The following PRKG1 variants were observed in gnomAD, a reference collection of about 807,000 sequenced individuals.
The protein encoded by PRKG1 is protein kinase cGMP-dependent 1.
Under a neutral mutation model 88.1 loss-of-function variants are expected in PRKG1, and 35 were observed. The ratio of observed to expected loss-of-function variants is 0.40; its 90% CI spans 0.30 to 0.53. The LOEUF is 0.53. PRKG1 is among the 20% of genes least tolerant of loss of function. PRKG1 has a pLI of 0.59. For synonymous variants in PRKG1, 303 were observed against 292.5 expected, an observed-to-expected ratio of 1.04 and a Z score of -0.37; for missense variants, 540 against 839.8, an observed-to-expected ratio of 0.64 and a Z score of 4.41.
At chr10:51,582,333 T>C (rs1838061522) in intron 3 of PRKG1, among the ~76,000 whole-genome samples, 1 of 152,088 alleles carries the variant, frequency 6.6e-6, no homozygotes, top group Non-Finnish European at 1.5e-5. Flanking sequence ...TTTTTTGTAA[T>C]TTAAGTTCCA....
rs182792679 is a variant in PRKG1, at chr10:51,575,005, C to G, written c.592+107169C>G. On this transcript the variant is annotated intron_variant, in intron 3 of 17. Coordinates refer to ENST00000373980, the MANE Select transcript of PRKG1 (RefSeq NM_006258.4). ...GATAACATTACAGATGATATAGTCA[C>G]TTACATGGAATTGGTTGTACTTTGT... Among the ~76,000 whole-genome samples the G allele has an allele frequency of 9.2e-5, 14 of 152,034 alleles. No homozygotes were observed. The East Asian group carries it at 2.1e-3, about 23-fold the overall frequency.
intron 5 of PRKG1, among the ~76,000 whole-genome samples, chr10:52,021,161 G>A (rs1305627171): frequency 6.6e-6 from 1 of 152,188 alleles, no homozygotes; most frequent in Non-Finnish European, 1.5e-5. Context: ...ATTCTCAACT[G>A]CCAGACTGTG....
intron 1 of PRKG1, among the ~76,000 whole-genome samples, chr10:51,120,529 AGCT>A (rs1431733213): frequency 6.6e-6 from 1 of 152,088 alleles, no homozygotes; most frequent in Non-Finnish European, 1.5e-5. Flanking sequence ...TTTTGAACAA[AGCT>A]GAAAAGTTCA....
chr10:52,115,640 T>C (rs1013665643), intron 7 of PRKG1, among the ~76,000 whole-genome samples: 1 of 152,102 alleles, frequency 6.6e-6, no homozygotes, highest in African/African-American at 2.4e-5. Flanking sequence ...GTTGGGATAT[T>C]CCCATGTGAT....
intron 2 of PRKG1, among the ~76,000 whole-genome samples, chr10:51,339,764 G>A: frequency 6.6e-6 from 1 of 151,702 alleles, no homozygotes; most frequent in East Asian, 1.9e-4. Context: ...CCATATAGAA[G>A]AACTCCATAT....
In PRKG1 at chr10:51,118,699, C is replaced by T. The variant is rs551464377; in HGVS notation, c.312-34465C>T. Among the ~76,000 whole-genome samples the T allele has an allele frequency of 2.0e-5, 3 of 152,248 alleles. No homozygotes were observed. In the East Asian group the frequency reaches 5.8e-4, roughly 29 times the overall value. ...CCTGAAGACAGTATCTCAATTAGAA[C>T]ACAGTTCTGATTCCTACGTCTTCCC... On this transcript the variant is annotated intron_variant, in intron 1 of 17. Coordinates refer to ENST00000373980, the MANE Select transcript of PRKG1 (RefSeq NM_006258.4).
At position 52,290,217 on chromosome 10, in the gene PRKG1, T is replaced by A. The variant is rs776661206; in HGVS notation, c.1896-7T>A. The A allele has an allele frequency of 6.2e-7, 1 of 1,612,188 alleles. No individual in the cohort carries two copies. Among genetic ancestry groups the A allele is most frequent in the Middle Eastern group, 1.7e-4 (1 of 6,016 alleles). ...AATGTTTTTATCAACGTTTTTTCCT[T>A]TTCTAGATGGTTTGAGGGCTTTAAC... On this transcript the variant is annotated splice_region_variant and splice_polypyrimidine_tract_variant and intron_variant, in intron 16 of 17. Coordinates refer to ENST00000373980, the MANE Select transcript of PRKG1 (RefSeq NM_006258.4).
chr10:51,531,185 C>A (rs1842007803), intron 3 of PRKG1, among the ~76,000 whole-genome samples: 1 of 152,090 alleles, frequency 6.6e-6, no homozygotes, highest in Admixed American at 6.6e-5. Flanking sequence ...TGTAAATGGT[C>A]CTATTATAGC....
chr10:51,824,392 T>G, intron 4 of PRKG1, among the ~76,000 whole-genome samples: 1 of 142,870 alleles, frequency 7.0e-6, no homozygotes, highest in East Asian at 2.0e-4. Flanking sequence ...TTTGGAAATT[T>G]TGTTATTTTA....
intron 5 of PRKG1, among the ~76,000 whole-genome samples, chr10:52,015,026 G>T (rs1295315580): frequency 2.6e-5 from 4 of 152,220 alleles, no homozygotes; most frequent in Non-Finnish European, 5.9e-5. Context: ...AGTGCAAGCT[G>T]TTAGTAAATC....
chr10:51,609,733 A>G (rs927779564), intron 3 of PRKG1, among the ~76,000 whole-genome samples: 1 of 152,212 alleles, frequency 6.6e-6, no homozygotes, highest in African/African-American at 2.4e-5. Flanking sequence ...AAACTAACAC[A>G]GGAACAGAAA....
intron 3 of PRKG1, among the ~76,000 whole-genome samples, chr10:51,748,385 A>G (rs1333691409): frequency 2.0e-5 from 3 of 152,218 alleles, no homozygotes; most frequent in Non-Finnish European, 4.4e-5. Flanking sequence ...GGAATATTTC[A>G]GTCTGTATGA....
chr10:52,109,128 C>T (rs958472624), intron 7 of PRKG1, among the ~76,000 whole-genome samples: 2 of 151,906 alleles, frequency 1.3e-5, no homozygotes, highest in African/African-American at 4.8e-5. Context: ...GCCAGGCCTT[C>T]AACAAGGATT....
In PRKG1 at chr10:52,166,807, A is replaced by ATATATG. The variant is rs1838466769; in HGVS notation, c.1076+4845_1076+4846insATATGT. The stretch of plus-strand genomic sequence containing the variant: ...AAAGCCTATATATATACATATATAT[A>ATATATG]TGTATATATATGTATATATATGTAT... On this transcript the variant is annotated intron_variant, in intron 9 of 17. Coordinates refer to ENST00000373980, the MANE Select transcript of PRKG1 (RefSeq NM_006258.4). Among the ~76,000 whole-genome samples, 9 of 1,772 alleles carry ATATATG rather than the reference A, an allele frequency of 5.1e-3. No homozygotes were observed. In the Admixed American group the frequency reaches 0.081, roughly 16 times the overall value. 1.2% of individuals were successfully genotyped at this position (1,772 alleles called of 152,430 possible).
intron 1 of PRKG1, among the ~76,000 whole-genome samples, chr10:51,127,293 G>A (rs1163716451): frequency 1.3e-5 from 2 of 152,068 alleles, no homozygotes; most frequent in Non-Finnish European, 2.9e-5. Flanking sequence ...CAAAAAGTGG[G>A]CAAAGGATAT....
At chr10:51,357,355 A>G (rs1194234661) in intron 2 of PRKG1, among the ~76,000 whole-genome samples, 2 of 151,964 alleles carry the variant, frequency 1.3e-5, no homozygotes, top group Non-Finnish European at 2.9e-5. Flanking sequence ...CTGAGAGGGA[A>G]AGCAGCTTCT....
intron 5 of PRKG1, among the ~76,000 whole-genome samples, chr10:52,040,209 G>T (rs751654821): frequency 4.6e-5 from 7 of 152,158 alleles, no homozygotes; most frequent in Non-Finnish European, 8.8e-5. Flanking sequence ...CACTATTTTT[G>T]CTATAGGGTT....
intron 2 of PRKG1, among the ~76,000 whole-genome samples, chr10:51,281,006 G>T (rs1205539033): frequency 6.6e-6 from 1 of 152,072 alleles, no homozygotes; most frequent in East Asian, 1.9e-4. Flanking sequence ...ATCTACTTTT[G>T]CTCTTTGATG....
At chr10:51,429,196 G>A (rs542274259) in intron 2 of PRKG1, among the ~76,000 whole-genome samples, 1 of 152,236 alleles carries the variant, frequency 6.6e-6, no homozygotes, top group Non-Finnish European at 1.5e-5. Flanking sequence ...TGACCACTAG[G>A]CTATTCTGAC....
Sources: gnomAD v4.1 joint callset for allele counts (sites outside exome capture counted in the v4.1 genomes callset) on GRCh38, gnomAD v4.1.1 for gene constraint, MANE v1.5 for transcripts, NCBI Gene and HGNC (gene_info 2026-07-23, HGNC 2026-07-21) for gene names.